RETREG1: variants seen among roughly 807,000 people sequenced by gnomAD.
RETREG1 encodes reticulophagy regulator 1, also known as family with sequence similarity 134 member B.
In RETREG1, 44 loss-of-function variants were observed where a neutral mutation model predicts 54.8. The observed-to-expected ratio is 0.80, with a 90% CI of 0.63 to 1.03. The LOEUF (loss-of-function observed/expected upper bound fraction) is 1.03, where lower values mean the gene tolerates loss of function less well. Ranked by LOEUF, RETREG1 falls within the 50% of genes least tolerant of loss-of-function variation. The pLI is 0.00. For synonymous variants in RETREG1, 217 were observed against 238.5 expected (o/e 0.91, Z 0.83); for missense variants, 554 against 605.1 (o/e 0.92, Z 0.89).
At chr5:16,532,958 C>T (rs1740955932) in intron 3 of RETREG1, among the ~76,000 whole-genome samples, 2 of 152,136 alleles carry the variant, frequency 1.3e-5, no homozygotes, top group African/African-American at 4.8e-5. Context: ...TGAAGAAAAC[C>T]CTAGGTAAAT....
At chr5:16,496,521 G>A (rs545402468) in intron 3 of RETREG1, among the ~76,000 whole-genome samples, 2 of 152,268 alleles carry the variant, frequency 1.3e-5, no homozygotes, top group South Asian at 4.1e-4. Context: ...CCCACTGGCT[G>A]GAACATAGAA....
chr5:16,605,844 C>A (rs1426988156), intron 1 of RETREG1, among the ~76,000 whole-genome samples: 6 of 152,102 alleles, frequency 3.9e-5, no homozygotes, highest in Non-Finnish European at 8.8e-5. Context: ...GGGCACTAAT[C>A]CCACTCATGA....
intron 3 of RETREG1, among the ~76,000 whole-genome samples, chr5:16,491,760 C>T (rs1402060388): frequency 6.6e-6 from 1 of 152,120 alleles, no homozygotes; most frequent in East Asian, 1.9e-4. Flanking sequence ...CAGTGGCTCA[C>T]ACCTGTAATC....
In RETREG1 at chr5:16,596,653, G is replaced by A. The variant is rs190225650; in HGVS notation, c.320+19999C>T. On this transcript the variant is annotated intron_variant, in intron 1 of 8. Coordinates refer to ENST00000306320, the MANE Select transcript of RETREG1 (RefSeq NM_001034850.3). ...GGATCCGGCAGTTCCCACAAAGCCA[G>A]GCCAATTACCTGGCCTGACACGCAC... Among the ~76,000 whole-genome samples, 50 of 152,234 alleles carry A rather than the reference G, an allele frequency of 3.3e-4. 1 individual carries two copies. In the East Asian group the frequency reaches 8.9e-3, roughly 27 times the overall value.
Position 16,594,744 on chromosome 5 carries a change from A to G in RETREG1, c.320+21908T>C, listed in dbSNP as rs1742853469. 6.6e-6 allele frequency among the ~76,000 whole-genome samples: 1 copy of G among 152,192 alleles called. No individual in the cohort carries two copies. The highest frequency in any genetic ancestry group is 1.9e-4 in the East Asian group (1 of 5,182). On this transcript the variant is annotated intron_variant, in intron 1 of 8. Transcript: ENST00000306320. This position sits in a 1 kb window ranked among gnomAD's most constrained non-coding sequence, Gnocchi z 4.4. ...CAAAAAAAACAAAAAACAAAACACA[A>G]CCACACAAAGCATTTTTCATAGACT...
intron 3 of RETREG1, among the ~76,000 whole-genome samples, chr5:16,499,573 T>C (rs1349609439): frequency 6.6e-6 from 1 of 152,224 alleles, no homozygotes; most frequent in Admixed American, 6.5e-5. Context: ...AACCAAACTA[T>C]CACCAGGCGA....
Position 16,500,217 on chromosome 5 carries a change from C to G in RETREG1, c.459-16745G>C, listed in dbSNP as rs537839622. 1.5e-4 allele frequency among the ~76,000 whole-genome samples: 23 copies of G among 152,356 alleles called. No homozygotes were observed. The South Asian group carries it at 4.3e-3, about 29-fold the overall frequency. On this transcript the variant is annotated intron_variant, in intron 3 of 8. Coordinates refer to ENST00000306320, the MANE Select transcript of RETREG1 (RefSeq NM_001034850.3). Reference sequence around the variant, plus strand: ...AGGGACAGCTGGAACATTCCCTACACCACCGTTGCCCAACTTCTGCCTCAG... The same window carrying G: ...AGGGACAGCTGGAACATTCCCTACAGCACCGTTGCCCAACTTCTGCCTCAG...
rs182216406 is a variant in RETREG1, at chr5:16,519,227, C to T, written c.459-35755G>A. Among the ~76,000 whole-genome samples the T allele has an allele frequency of 9.2e-5, 14 of 152,280 alleles. No individual in the cohort carries two copies. The East Asian group carries it at 2.7e-3, about 29-fold the overall frequency. ...GGGTGGAATCACACTGAGACTTGTC[C>T]TAGATCAGCGGCTTTCAAAGCAATA... On this transcript the variant is annotated intron_variant, in intron 3 of 8. Transcript: ENST00000306320.
chr5:16,490,408 C>A (rs2126532328), intron 3 of RETREG1, among the ~76,000 whole-genome samples: 1 of 152,100 alleles, frequency 6.6e-6, no homozygotes, highest in African/African-American at 2.4e-5. Flanking sequence ...ATTTAGGTGG[C>A]AATTTGTAGT....
intron 3 of RETREG1, among the ~76,000 whole-genome samples, chr5:16,557,131 T>C (rs1403455122): frequency 2.0e-5 from 3 of 152,126 alleles, no homozygotes; most frequent in African/African-American, 7.2e-5. Flanking sequence ...CACCCGGCCA[T>C]CATTTTAGTG....
At chr5:16,481,607 T>G (rs75798641) in intron 4 of RETREG1, among the ~76,000 whole-genome samples, 1,838 of 152,132 alleles carry the variant, frequency 0.012, 16 homozygotes, top group Non-Finnish European at 0.02. Context: ...TTATAGCTGC[T>G]AAGCTGACAG....
intron 3 of RETREG1, among the ~76,000 whole-genome samples, chr5:16,495,001 G>C (rs1739398743): frequency 6.6e-6 from 1 of 152,128 alleles, no homozygotes; most frequent in Non-Finnish European, 1.5e-5. Flanking sequence ...GTATCTTATT[G>C]GGAACTGGAG....
At chr5:16,595,644 C>T (rs1399368610) in intron 1 of RETREG1, among the ~76,000 whole-genome samples, 6 of 152,182 alleles carry the variant, frequency 3.9e-5, no homozygotes, top group Non-Finnish European at 7.3e-5. Flanking sequence ...GAATGTTAAA[C>T]ACCTGTTTCA....
At chr5:16,519,472 G>A (rs1016953764) in intron 3 of RETREG1, among the ~76,000 whole-genome samples, 1 of 152,288 alleles carries the variant, frequency 6.6e-6, no homozygotes, top group African/African-American at 2.4e-5. Flanking sequence ...CAGCCAGCAG[G>A]AGAAAGCAGA....
In RETREG1 at chr5:16,475,006, C is replaced by T. The variant is rs547000072; in HGVS notation, c.1229G>A (p.Ser410Asn). Residue 410 changes from serine (S) to asparagine (N), a missense_variant, in exon 9 of 9, where the codon AGC (serine) becomes AAC (asparagine). Coordinates refer to ENST00000306320, the MANE Select transcript of RETREG1 (RefSeq NM_001034850.3). ...TGTGATAACATCCCCAGCCAGGTTG[C>T]TCATCAGGTGAAAGGTTTGGTCACT... ...LNSDQTFHLM[S>N]NLAGDVITAA... 6.2e-6 allele frequency: 10 copies of T among 1,613,688 alleles called. No individual in the cohort carries two copies. The African/African-American group carries it at 1.3e-4, about 22-fold the overall frequency.
rs190670164 is a variant in RETREG1 at position 16,506,351 on chromosome 5, T to C, written c.459-22879A>G. ...AAGCTCTAAGAATGTACTTTGTAAGTAGATAAACAACTTCCAACAGTTATT... is the reference window on the plus strand; with the variant it reads ...AAGCTCTAAGAATGTACTTTGTAAGCAGATAAACAACTTCCAACAGTTATT... On this transcript the variant is annotated intron_variant, in intron 3 of 8. Transcript: ENST00000306320. 1.1e-4 allele frequency among the ~76,000 whole-genome samples: 16 copies of C among 152,324 alleles called. No homozygotes were observed. In the East Asian group the frequency reaches 2.9e-3, roughly 28 times the overall value.
intron 3 of RETREG1, among the ~76,000 whole-genome samples, chr5:16,528,675 T>A (rs1161166579): frequency 1.3e-5 from 2 of 152,226 alleles, no homozygotes; most frequent in African/African-American, 2.4e-5. Flanking sequence ...TATGTAACTT[T>A]GATCCACTCA....
intron 1 of RETREG1, among the ~76,000 whole-genome samples, chr5:16,590,685 A>G (rs1742740044): frequency 6.6e-6 from 1 of 152,156 alleles, no homozygotes; most frequent in South Asian, 2.1e-4. Flanking sequence ...AATTTTTACA[A>G]ATAAGAAAAC....
chr5:16,492,336 A>G (rs993928559), intron 3 of RETREG1, among the ~76,000 whole-genome samples: 3 of 151,962 alleles, frequency 2.0e-5, no homozygotes, highest in Non-Finnish European at 4.4e-5. Flanking sequence ...GATTTCTGTT[A>G]TAATACCTCC....
Sources: allele counts gnomAD v4.1 joint callset (sites outside exome capture counted in the v4.1 genomes callset), GRCh38; gene constraint gnomAD v4.1.1; non-coding constraint Gnocchi (gnomAD v3.1); transcripts MANE v1.5; gene names NCBI Gene and HGNC (gene_info 2026-07-23, HGNC 2026-07-21).